EBF2: variants seen among roughly 807,000 people sequenced by gnomAD.
The protein encoded by EBF2 is transcription factor COE2.
EBF2 carries 21 observed loss-of-function variants against 72.8 expected under a neutral mutation model. The observed-to-expected ratio is 0.29, with a 90% CI of 0.20 to 0.42. The LOEUF is 0.42. Ranked by LOEUF, EBF2 falls within the 10% of genes least tolerant of loss-of-function variation. The probability of loss-of-function intolerance (pLI) is 1.00; values close to 1 mark genes in which losing one functional copy is unlikely to be tolerated. For synonymous variants in EBF2, 299 were observed against 274.2 expected (o/e 1.09, Z -0.89); for missense variants, 637 against 731.2 (o/e 0.87, Z 1.49).
In EBF2 at chr8:25,946,657, C is replaced by A. The variant is rs561076527; in HGVS notation, c.552-38102G>T. Among the ~76,000 whole-genome samples the A allele has an allele frequency of 2.9e-3, 447 of 152,280 alleles. 1 individual carries two copies. Among genetic ancestry groups the A allele is most frequent in the African/African-American group, 0.01 (425 of 41,540 alleles). On this transcript the variant is annotated intron_variant, in intron 6 of 15. Coordinates refer to ENST00000520164, the MANE Select transcript of EBF2 (RefSeq NM_022659.4). ...ACCACCTGTGCATCACGGGAGAAAC[C>A]TAGACGGCAGCCCAGACAACTCCCT...
At chr8:25,952,749 T>C (rs1435453489) in intron 6 of EBF2, among the ~76,000 whole-genome samples, 1 of 152,244 alleles carries the variant, frequency 6.6e-6, no homozygotes, top group African/African-American at 2.4e-5. Flanking sequence ...GGGCTCTTTC[T>C]GCCAACTCCA....
In EBF2 at chr8:25,887,894, T is replaced by C. The variant is rs1410152702; in HGVS notation, c.830A>G (p.Asn277Ser). Residue 277 changes from asparagine (N) to serine (S), a missense_variant, in exon 9 of 16, where the codon AAC (asparagine) becomes AGC (serine). By Grantham distance (46) the Asn-to-Ser change is conservative. Transcript: ENST00000520164. ...GGAMVIIIGD[N>S]FFDGLQVVFG... is the part of the protein sequence containing the mutation. ...CACCACTTGGAGACCATCAAAGAAG[T>C]TGTCCCCGATGATGATGACCATGGC... is the stretch of plus-strand genomic sequence containing the variant. 2 of 1,613,820 alleles carry C rather than the reference T, an allele frequency of 1.2e-6. No individual in the cohort carries two copies. Among genetic ancestry groups the C allele is most frequent in the Middle Eastern group, 1.7e-4 (1 of 6,060 alleles).
intron 6 of EBF2, among the ~76,000 whole-genome samples, chr8:25,957,191 CA>C (rs1364692955): frequency 6.6e-6 from 1 of 152,162 alleles, no homozygotes; most frequent in Non-Finnish European, 1.5e-5. Flanking sequence ...CTAAAACTGC[CA>C]TTTCCCCCCC....
At chr8:25,911,627 A>G (rs1337458319) in intron 6 of EBF2, among the ~76,000 whole-genome samples, 1 of 152,218 alleles carries the variant, frequency 6.6e-6, no homozygotes, top group African/African-American at 2.4e-5. Flanking sequence ...AAGGAGTTGA[A>G]TGGGATCTGT....
chr8:26,027,466 A>G (rs1178864288), intron 6 of EBF2, among the ~76,000 whole-genome samples: 3 of 13,664 alleles, frequency 2.2e-4, no homozygotes, highest in Admixed American at 9.9e-4. Context: ...CAGGATGACT[A>G]CTATCAAAAA....
At chr8:25,962,029 T>C (rs985102236) in intron 6 of EBF2, among the ~76,000 whole-genome samples, 1 of 152,160 alleles carries the variant, frequency 6.6e-6, no homozygotes, top group African/African-American at 2.4e-5. Context: ...AAGGAATACA[T>C]ATTTATTAGA....
At chr8:25,856,431 T>C (rs1802094671) in intron 14 of EBF2, among the ~76,000 whole-genome samples, 1 of 152,124 alleles carries the variant, frequency 6.6e-6, no homozygotes, top group African/African-American at 2.4e-5. Context: ...TTCTAGTCCC[T>C]TTTTTACTAT....
At chr8:26,011,440 A>G (rs779105857) in intron 6 of EBF2, among the ~76,000 whole-genome samples, 1 of 142,512 alleles carries the variant, frequency 7.0e-6, no homozygotes, top group Non-Finnish European at 1.5e-5. Flanking sequence ...TGGATTCCCA[A>G]TAAACATTTC....
chr8:25,927,140 T>A (rs1431489290), intron 6 of EBF2, among the ~76,000 whole-genome samples: 1 of 151,992 alleles, frequency 6.6e-6, no homozygotes, highest in Non-Finnish European at 1.5e-5. Context: ...GTTGAAGGCC[T>A]CAATGGCAAA....
intron 14 of EBF2, chr8:25,858,105 C>G (rs1244128616): frequency 2.9e-6 from 2 of 693,358 alleles, no homozygotes; most frequent in Middle Eastern, 4.7e-4. Context: ...TTGTTTCAAT[C>G]CTTTTCTTTC....
intron 10 of EBF2, among the ~76,000 whole-genome samples, chr8:25,875,064 T>G (rs1455531327): frequency 6.6e-6 from 1 of 152,122 alleles, no homozygotes; most frequent in Admixed American, 6.5e-5. Flanking sequence ...CCCTTGGCCT[T>G]CTCTGTCTCC....
At chr8:26,016,321 A>G (rs950590598) in intron 6 of EBF2, among the ~76,000 whole-genome samples, 1 of 152,214 alleles carries the variant, frequency 6.6e-6, no homozygotes, top group Admixed American at 6.5e-5. Flanking sequence ...AGCAGGAGGC[A>G]GATATCAGCA....
rs143705382 is a variant in EBF2 at position 25,852,562 on chromosome 8, T to C, written c.1529-1801A>G. On this transcript the variant is annotated intron_variant, in intron 14 of 15. Transcript: ENST00000520164. ...GCAAATGACTCACTAGTACAGATAATTATTTTCTAATAACAGATTTCAACG... is the reference window on the plus strand; with the variant it reads ...GCAAATGACTCACTAGTACAGATAACTATTTTCTAATAACAGATTTCAACG... 1.8e-4 allele frequency among the ~76,000 whole-genome samples: 27 copies of C among 152,180 alleles called. No homozygotes were observed. The East Asian group carries it at 4.8e-3, about 27-fold the overall frequency.
At chr8:25,860,073 C>T (rs1802184955) in intron 13 of EBF2, among the ~76,000 whole-genome samples, 1 of 152,020 alleles carries the variant, frequency 6.6e-6, no homozygotes, top group South Asian at 2.1e-4. Flanking sequence ...GAATTCTCTT[C>T]CAACAAATAA....
chr8:25,988,611 T>C (rs1463888822), intron 6 of EBF2, among the ~76,000 whole-genome samples: 5 of 152,216 alleles, frequency 3.3e-5, no homozygotes, highest in Non-Finnish European at 7.3e-5. Flanking sequence ...TGCTAAGTTA[T>C]AGAAATAGAA....
chr8:25,905,248 A>T (rs1196585614), intron 7 of EBF2, among the ~76,000 whole-genome samples: 1 of 152,174 alleles, frequency 6.6e-6, no homozygotes, highest in Non-Finnish European at 1.5e-5. Context: ...GGAAATGTAA[A>T]ATGGTGCAAC....
chr8:25,908,163 A>G (rs1470224428), intron 7 of EBF2, among the ~76,000 whole-genome samples: 1 of 152,210 alleles, frequency 6.6e-6, no homozygotes, highest in Non-Finnish European at 1.5e-5. Flanking sequence ...GTGGCTGAAT[A>G]TCAAGAACAT....
intron 6 of EBF2, among the ~76,000 whole-genome samples, chr8:25,972,924 C>A (rs1021819067): frequency 2.3e-5 from 3 of 133,034 alleles, no homozygotes; most frequent in Non-Finnish European, 4.6e-5. Context: ...TTTGAACTTG[C>A]CTTACATTTC....
intron 6 of EBF2, among the ~76,000 whole-genome samples, chr8:25,959,689 T>C (rs550400255): frequency 6.6e-6 from 1 of 152,160 alleles, no homozygotes; most frequent in African/African-American, 2.4e-5. Context: ...GCAAACATCT[T>C]TGCCCCAGGT....
Sources: allele counts gnomAD v4.1 joint callset (sites outside exome capture counted in the v4.1 genomes callset), GRCh38; gene constraint gnomAD v4.1.1; transcripts MANE v1.5; gene names NCBI Gene and HGNC (gene_info 2026-07-23, HGNC 2026-07-21).